The following RANBP9 variants were observed in gnomAD, a reference collection of about 807,000 sequenced individuals.
RANBP9 encodes the protein ran-binding protein 9.
Under a neutral mutation model 84.3 loss-of-function variants are expected in RANBP9, and 15 were observed. The ratio of observed to expected loss-of-function variants is 0.18; its 90% CI spans 0.12 to 0.27. The LOEUF is 0.27. RANBP9 is among the 10% of genes least tolerant of loss of function. The pLI is 1.00. For missense variants in RANBP9, 809 were observed against 912.8 expected, an observed-to-expected ratio of 0.89 and a Z score of 1.46; for synonymous variants, 392 against 349.6, an observed-to-expected ratio of 1.12 and a Z score of -1.35.
chr6:13,622,334 TATAA>T lies in RANBP9; in HGVS notation c.*24_*27del, dbSNP rs1764474751. ...CTTCCATGTTGACTATATGCCACAA[TATAA>T]GTGTGAGCTCTTGAAATGCATAGCT... On this transcript the variant is annotated 3_prime_UTR_variant, in exon 14 of 14. Coordinates refer to ENST00000011619, the MANE Select transcript of RANBP9 (RefSeq NM_005493.3). 1 of 1,513,652 alleles carries T rather than the reference TATAA, an allele frequency of 6.6e-7. No individual in the cohort carries two copies. The highest frequency in any genetic ancestry group is 8.8e-7 in the Non-Finnish European group (1 of 1,130,242). The allele number at this position is 1,513,652 out of a possible 1,614,324, so 93.8% of individuals were successfully genotyped here.
chr6:13,684,252 T>C (rs1251392545), intron 2 of RANBP9, among the ~76,000 whole-genome samples: 1 of 152,204 alleles, frequency 6.6e-6, no homozygotes, highest in Non-Finnish European at 1.5e-5. Context: ...TCTTCTCTTG[T>C]CTTTCATTGT....
chr6:13,634,973 A>G (rs891589236), intron 10 of RANBP9, among the ~76,000 whole-genome samples: 5 of 152,096 alleles, frequency 3.3e-5, no homozygotes, highest in African/African-American at 9.7e-5. Flanking sequence ...CACTCTCAAA[A>G]CAAATACATC....
At chr6:13,636,781 C>T (rs895251920) in intron 10 of RANBP9, among the ~76,000 whole-genome samples, 21 of 152,324 alleles carry the variant, frequency 1.4e-4, no homozygotes, top group African/African-American at 4.8e-4. Context: ...CAATCACACA[C>T]ACTATTACTT....
At chr6:13,678,612 G>C (rs1022374057) in intron 2 of RANBP9, among the ~76,000 whole-genome samples, 1 of 152,098 alleles carries the variant, frequency 6.6e-6, no homozygotes, top group South Asian at 2.1e-4. Flanking sequence ...TCAAAGCCTG[G>C]AGGAATCATC....
At chr6:13,641,770 G>C (rs1274342384) in intron 7 of RANBP9, among the ~76,000 whole-genome samples, 2 of 152,156 alleles carry the variant, frequency 1.3e-5, no homozygotes, top group Non-Finnish European at 2.9e-5. Flanking sequence ...ATGAGTAAGT[G>C]ATCTCTGTTC....
intron 2 of RANBP9, among the ~76,000 whole-genome samples, chr6:13,674,738 T>C (rs1765851346): frequency 6.6e-6 from 1 of 152,116 alleles, no homozygotes; most frequent in Non-Finnish European, 1.5e-5. Context: ...ACCCAATACA[T>C]ATTAAGGGCT....
intron 2 of RANBP9, among the ~76,000 whole-genome samples, chr6:13,681,176 A>T (rs1766026861): frequency 6.6e-6 from 1 of 152,222 alleles, no homozygotes; most frequent in Non-Finnish European, 1.5e-5. Context: ...AGCCATTTTC[A>T]AAAGGTTACA....
intron 2 of RANBP9, among the ~76,000 whole-genome samples, chr6:13,666,170 A>AG (rs1765639708): frequency 6.6e-6 from 1 of 152,168 alleles, no homozygotes; most frequent in Non-Finnish European, 1.5e-5. Flanking sequence ...ATCAAACTCT[A>AG]GTTAATGATA....
chr6:13,635,954 ATAAAAAGCTAAT>A (rs914538211), intron 10 of RANBP9, among the ~76,000 whole-genome samples: 12 of 152,298 alleles, frequency 7.9e-5, no homozygotes, highest in African/African-American at 2.6e-4. Flanking sequence ...CAAACAACCT[ATAAAAAGCTAAT>A]TAAGTTATTA....
chr6:13,695,892 A>G (rs1663771470), intron 2 of RANBP9, among the ~76,000 whole-genome samples: 1 of 151,648 alleles, frequency 6.6e-6, no homozygotes, highest in Admixed American at 6.6e-5. Context: ...GACCACTAAG[A>G]GGGGTTTGAT....
At position 13,711,494 on chromosome 6, in the gene RANBP9, C is replaced by T; in HGVS notation, c.12G>A (p.Gln4=). MSG[Q]PPPPPPQQQQ... is the part of the protein sequence containing the mutation. ...GCTGCTGCGGCGGCGGCGGCGGCGG[C>T]TGCCCGGACATCCCGGCCGCGACTC... Residue 4 remains glutamine, a synonymous_variant, in exon 1 of 14, where the codon CAG becomes CAA. Transcript: ENST00000011619. 1 of 1,249,462 alleles carries T rather than the reference C, an allele frequency of 8.0e-7. No homozygotes were observed. Among genetic ancestry groups the T allele is most frequent in the Non-Finnish European group, 1.0e-6 (1 of 995,762 alleles). The allele number at this position is 1,249,462 out of a possible 1,614,324, so 77.4% of individuals were successfully genotyped here.
intron 7 of RANBP9, among the ~76,000 whole-genome samples, chr6:13,642,173 T>C (rs987318750): frequency 6.6e-6 from 1 of 152,200 alleles, no homozygotes; most frequent in Non-Finnish European, 1.5e-5. Flanking sequence ...TTTATTATTA[T>C]TTTTAAATCT....
intron 12 of RANBP9, among the ~76,000 whole-genome samples, chr6:13,631,148 TA>T (rs1396217959): frequency 1.3e-5 from 2 of 152,198 alleles, no homozygotes; most frequent in Non-Finnish European, 2.9e-5. Context: ...AATTATCAAT[TA>T]TTTTTTATCT....
chr6:13,686,808 T>C (rs1050803976), intron 2 of RANBP9, among the ~76,000 whole-genome samples: 1 of 152,164 alleles, frequency 6.6e-6, no homozygotes. Context: ...ATTATCTCCA[T>C]TCCTTACCTC....
At chr6:13,667,508 G>A (rs557951920) in intron 2 of RANBP9, among the ~76,000 whole-genome samples, 9 of 152,148 alleles carry the variant, frequency 5.9e-5, no homozygotes, top group South Asian at 2.1e-4. Flanking sequence ...CAAATGTTTC[G>A]GTCAACAACA....
chr6:13,666,302 C>A (rs537093910), intron 2 of RANBP9, among the ~76,000 whole-genome samples: 1 of 151,940 alleles, frequency 6.6e-6, no homozygotes. Flanking sequence ...ATAGTCAGGT[C>A]CGCTATATCA....
intron 4 of RANBP9, among the ~76,000 whole-genome samples, chr6:13,654,903 A>G (rs1352599420): frequency 6.6e-6 from 1 of 152,216 alleles, no homozygotes; most frequent in Non-Finnish European, 1.5e-5. Context: ...TTTAATGGTT[A>G]TTCACTAGAT....
intron 2 of RANBP9, among the ~76,000 whole-genome samples, chr6:13,661,190 G>A (rs1184518380): frequency 6.6e-6 from 1 of 152,212 alleles, no homozygotes; most frequent in Non-Finnish European, 1.5e-5. Flanking sequence ...AGGGGAAAGA[G>A]AGAGGAGAAA....
chr6:13,710,612 T>G (rs1415130776), intron 1 of RANBP9, among the ~76,000 whole-genome samples: 1 of 152,080 alleles, frequency 6.6e-6, no homozygotes, highest in Admixed American at 6.6e-5. Flanking sequence ...GCCCCAAGAT[T>G]TATCTCCCAG....
Sources: allele counts gnomAD v4.1 joint callset (sites outside exome capture counted in the v4.1 genomes callset), GRCh38; gene constraint gnomAD v4.1.1; transcripts MANE v1.5; gene names NCBI Gene and HGNC (gene_info 2026-07-23, HGNC 2026-07-21).